SLC9A9: variants seen among roughly 807,000 people sequenced by gnomAD.
The protein encoded by SLC9A9 is sodium/hydrogen exchanger 9.
Under a neutral mutation model 77.8 loss-of-function variants are expected in SLC9A9, and 62 were observed. The observed-to-expected ratio is 0.80, with a 90% CI of 0.65 to 0.98. The LOEUF (loss-of-function observed/expected upper bound fraction) is 0.98, where lower values mean the gene tolerates loss of function less well. Among genes scored for constraint, SLC9A9 ranks in the 50% least tolerant of loss-of-function variants. SLC9A9 has a pLI of 0.00. For synonymous variants in SLC9A9, 320 were observed against 283.5 expected, an observed-to-expected ratio of 1.13 and a Z score of -1.29; for missense variants, 775 against 774.9, an observed-to-expected ratio of 1.00 and a Z score of 0.00.
Position 143,702,076 on chromosome 3 carries a change from T to G in SLC9A9, c.534-8769A>C, listed in dbSNP as rs1156784554. Among the ~76,000 whole-genome samples, 3 of 152,130 alleles carry G rather than the reference T, an allele frequency of 2.0e-5. No homozygotes were observed. In the East Asian group the frequency reaches 5.8e-4, roughly 29 times the overall value. ...ATAGTATATCTGGTGAAAATATCTT[T>G]CAAATATGCAGGAGAAATAAAGACT... On this transcript the variant is annotated intron_variant, in intron 4 of 15. Coordinates refer to ENST00000316549, the MANE Select transcript of SLC9A9 (RefSeq NM_173653.4).
intron 6 of SLC9A9, among the ~76,000 whole-genome samples, chr3:143,616,007 A>C (rs572177650): frequency 3.9e-4 from 59 of 151,970 alleles, no homozygotes; most frequent in African/African-American, 1.4e-3. Context: ...CAGCCTCCCA[A>C]GTAGTTGGGA....
chr3:143,677,840 T>C (rs1932931408), intron 5 of SLC9A9, among the ~76,000 whole-genome samples: 1 of 149,506 alleles, frequency 6.7e-6, no homozygotes, highest in Admixed American at 6.6e-5. Flanking sequence ...TTTTTTTTTT[T>C]TTTTGAGACA....
At chr3:143,460,674 A>C (rs2035175281) in intron 12 of SLC9A9, among the ~76,000 whole-genome samples, 1 of 152,194 alleles carries the variant, frequency 6.6e-6, no homozygotes, top group Non-Finnish European at 1.5e-5. Context: ...TGTGGAGTTA[A>C]AGACTGTTAT....
intron 2 of SLC9A9, among the ~76,000 whole-genome samples, chr3:143,801,964 C>T (rs1041515342): frequency 3.3e-5 from 5 of 152,162 alleles, no homozygotes; most frequent in African/African-American, 1.2e-4. Flanking sequence ...GCTTTACTTC[C>T]AAAAGAAGCT....
chr3:143,352,577 T>C (rs1426576947), intron 14 of SLC9A9, among the ~76,000 whole-genome samples: 2 of 133,284 alleles, frequency 1.5e-5, no homozygotes, highest in South Asian at 2.2e-4. Flanking sequence ...GCTTAGAGAC[T>C]GATCTGGCTT....
chr3:143,632,940 G>T (rs1397134108), intron 6 of SLC9A9, among the ~76,000 whole-genome samples: 2 of 152,198 alleles, frequency 1.3e-5, no homozygotes, highest in African/African-American at 2.4e-5. Context: ...TTAAACAACT[G>T]GTTGGTTGGC....
At chr3:143,365,108 G>A (rs2032861981) in intron 13 of SLC9A9, among the ~76,000 whole-genome samples, 1 of 152,202 alleles carries the variant, frequency 6.6e-6, no homozygotes. Context: ...AAAAAGGAAT[G>A]AGATTATGTC....
At chr3:143,277,187 C>T (rs1938075189) in intron 14 of SLC9A9, among the ~76,000 whole-genome samples, 3 of 152,166 alleles carry the variant, frequency 2.0e-5, no homozygotes, top group Admixed American at 2.0e-4. Context: ...ACAAGATAAA[C>T]AAGGGGCCAT....
intron 9 of SLC9A9, among the ~76,000 whole-genome samples, chr3:143,526,337 G>A (rs753164439): frequency 1.1e-4 from 17 of 152,222 alleles, no homozygotes; most frequent in Non-Finnish European, 1.8e-4. Context: ...CAGCCATGAG[G>A]ACATGAATGG....
chr3:143,625,452 A>G (rs1452999002), intron 6 of SLC9A9, among the ~76,000 whole-genome samples: 10 of 152,232 alleles, frequency 6.6e-5, no homozygotes. Context: ...GCCCTCAGAA[A>G]TAATGCCACA....
intron 6 of SLC9A9, among the ~76,000 whole-genome samples, chr3:143,649,396 G>A (rs1476417053): frequency 6.6e-6 from 1 of 152,136 alleles, no homozygotes; most frequent in Non-Finnish European, 1.5e-5. Context: ...AAAGTTATTT[G>A]CATTTTAGCA....
chr3:143,368,881 A>T (rs980457924), intron 13 of SLC9A9, among the ~76,000 whole-genome samples: 5 of 152,200 alleles, frequency 3.3e-5, no homozygotes, highest in Non-Finnish European at 7.3e-5. Context: ...AAATAGAAAT[A>T]TTTTTTTCAA....
At chr3:143,482,218 G>A (rs998003371) in intron 11 of SLC9A9, among the ~76,000 whole-genome samples, 2 of 152,172 alleles carry the variant, frequency 1.3e-5, no homozygotes, top group Non-Finnish European at 2.9e-5. Flanking sequence ...TGTCTTCCAT[G>A]CCTTTTTCTT....
chr3:143,741,757 T>C (rs894908687), intron 4 of SLC9A9, among the ~76,000 whole-genome samples: 5 of 152,134 alleles, frequency 3.3e-5, no homozygotes, highest in African/African-American at 1.2e-4. Context: ...GTCGGTGATC[T>C]TCCCCCTAAC....
At chr3:143,536,946 T>A (rs1294375114) in intron 9 of SLC9A9, among the ~76,000 whole-genome samples, 1 of 152,156 alleles carries the variant, frequency 6.6e-6, no homozygotes, top group Non-Finnish European at 1.5e-5. Context: ...CTGCCCACGC[T>A]GCACCTCCTG....
At chr3:143,387,220 G>C (rs2033448305) in intron 12 of SLC9A9, among the ~76,000 whole-genome samples, 1 of 152,072 alleles carries the variant, frequency 6.6e-6, no homozygotes, top group African/African-American at 2.4e-5. Context: ...GGTGTCTGAA[G>C]AGCAAGGAGA....
intron 2 of SLC9A9, among the ~76,000 whole-genome samples, chr3:143,826,119 C>T (rs560432720): frequency 3.9e-5 from 6 of 152,078 alleles, no homozygotes; most frequent in African/African-American, 9.6e-5. Flanking sequence ...AGTAGCTGGG[C>T]GTGGTGGCAC....
At chr3:143,839,994 G>A (rs1559822600) in intron 1 of SLC9A9, among the ~76,000 whole-genome samples, 2 of 152,102 alleles carry the variant, frequency 1.3e-5, no homozygotes, top group Non-Finnish European at 2.9e-5. Flanking sequence ...AAAGAAATAA[G>A]AGAAAACAGA....
At chr3:143,805,633 G>A (rs1051255198) in intron 2 of SLC9A9, among the ~76,000 whole-genome samples, 6 of 151,998 alleles carry the variant, frequency 3.9e-5, no homozygotes, top group Admixed American at 3.3e-4. Flanking sequence ...GGTGAAAATG[G>A]CCCATTCCTG....
Sources: gnomAD v4.1 joint callset for allele counts (sites outside exome capture counted in the v4.1 genomes callset) on GRCh38, gnomAD v4.1.1 for gene constraint, MANE v1.5 for transcripts, NCBI Gene and HGNC (gene_info 2026-07-23, HGNC 2026-07-21) for gene names.